Variants in SIPA1 observed in about 807,000 individuals in gnomAD.
SIPA1 encodes signal-induced proliferation-associated protein 1.
SIPA1 carries 51 observed loss-of-function variants against 88.1 expected under a neutral mutation model. The ratio of observed to expected loss-of-function variants is 0.58; its 90% CI spans 0.46 to 0.73. SIPA1 has a LOEUF of 0.73. Ranked by LOEUF, SIPA1 falls within the 30% of genes least tolerant of loss-of-function variation. SIPA1 has a pLI of 0.00. For synonymous variants in SIPA1, 681 were observed against 664.8 expected (o/e 1.02, Z -0.37); for missense variants, 1,348 against 1,467.6 (o/e 0.92, Z 1.33).
rs755145131 is a variant in SIPA1, at chr11:65,641,103, G to A, written c.182G>A (p.Arg61Lys). The A allele has an allele frequency of 6.2e-6, 10 of 1,600,730 alleles. No individual in the cohort carries two copies. In the South Asian group the frequency reaches 1.1e-4, roughly 18 times the overall value. The change falls in exon 2 of 16, where the codon AGG becomes AAG. Residue 61 changes from arginine (R) to lysine (K), a missense_variant. Physicochemically the swap from Arg to Lys is conservative, Grantham distance 26 (BLOSUM62 2). This residue lies in a region of SIPA1 where 641 missense variants were observed against 797.7 expected (regional missense o/e 0.80). Coordinates refer to ENST00000534313, the MANE Select transcript of SIPA1 (RefSeq NM_006747.4). ...LRSGSDAGEA[R>K]PPTPASPRAR... ...AGCGGCAGCGATGCAGGCGAGGCCA[G>A]GCCCCCCACGCCAGCCAGCCCCCGT...
Position 65,641,974 on chromosome 11 carries a change from A to C in SIPA1, c.680-276A>C, listed in dbSNP as rs114995288. On this transcript the variant is annotated intron_variant, in intron 2 of 15. Coordinates refer to ENST00000534313, the MANE Select transcript of SIPA1 (RefSeq NM_006747.4). ...CACTGCGGAGAGAGGGCTCCAGGAC[A>C]TAGAAGGGAGAATGAGGGCGTGGTG... The C allele has an allele frequency of 1.9e-3, 1,024 of 547,496 alleles. 9 individuals are homozygous for C. The highest frequency in any genetic ancestry group is 0.018 in the African/African-American group (932 of 51,770). The allele number at this position is 547,496 out of a possible 1,614,324, so 33.9% of individuals were successfully genotyped here. A position where few individuals can be genotyped will look rare whatever the true frequency, so the allele number is the denominator to read the frequency against.
At chr11:65,640,214 G>A (rs937115275) in intron 1 of SIPA1, 7 of 152,322 alleles carry the variant, frequency 4.6e-5, no homozygotes, top group African/African-American at 1.2e-4. Context: ...CACAGTTGGG[G>A]CTACTTCCTG....
chr11:65,650,390 C>T lies in SIPA1; in HGVS notation c.2904-11C>T. On this transcript the variant is annotated splice_polypyrimidine_tract_variant and intron_variant, in intron 14 of 15. Coordinates refer to ENST00000534313, the MANE Select transcript of SIPA1 (RefSeq NM_006747.4). ...CTTGGTCCTGCTGAGTCTTGACCCCCATGTCTTCAGGCCAGAGCCTGGGAA... is the reference window on the plus strand; with the variant it reads ...CTTGGTCCTGCTGAGTCTTGACCCCTATGTCTTCAGGCCAGAGCCTGGGAA... 1.2e-6 allele frequency: 2 copies of T among 1,613,764 alleles called. No individual in the cohort carries two copies. Among genetic ancestry groups the T allele is most frequent in the Non-Finnish European group, 1.7e-6 (2 of 1,179,730 alleles).
chr11:65,649,866 G>GT lies in SIPA1; in HGVS notation c.2746+2dup, dbSNP rs1856224297. ...TCTCTGCGGAACTCCATCAGCAGGA[G>GT]TGAGTCTGGACCCAGGAGAGCAGGG... On this transcript the variant is annotated splice_donor_variant, in intron 12 of 15. Transcript: ENST00000534313. LOFTEE classifies it high-confidence loss of function. The GT allele has an allele frequency of 1.9e-6, 3 of 1,614,040 alleles. No individual in the cohort carries two copies. The highest frequency in any genetic ancestry group is 1.7e-6 in the Non-Finnish European group (2 of 1,179,978).
chr11:65,648,331 G>C (rs575624946), intron 9 of SIPA1, among the ~76,000 whole-genome samples: 93 of 152,112 alleles, frequency 6.1e-4, no homozygotes, highest in African/African-American at 2.1e-3. Flanking sequence ...GCTAAGCCAG[G>C]GGTAGGCAAA....
Position 65,638,125 on chromosome 11 carries a change from G to T in SIPA1, c.-149G>T, listed in dbSNP as rs56343805. On this transcript the variant is annotated 5_prime_UTR_variant, in exon 1 of 16. Coordinates refer to ENST00000534313, the MANE Select transcript of SIPA1 (RefSeq NM_006747.4). ...CGGAGCCGGCGCCGGGAGCGGTAGC[G>T]GGAGAGCGGCAGCGGGACCCCAGCG... is the stretch of plus-strand genomic sequence containing the variant. 12,427 of 152,270 alleles carry T rather than the reference G, an allele frequency of 0.082. 656 individuals are homozygous for T. Among genetic ancestry groups the T allele is most frequent in the South Asian group, 0.27 (1,330 of 4,870 alleles). 9.4% of individuals were successfully genotyped at this position (152,270 alleles called of 1,614,324 possible). A position where few individuals can be genotyped will look rare whatever the true frequency, so the allele number is the denominator to read the frequency against.
At position 65,645,977 on chromosome 11, in the gene SIPA1, G is replaced by C. The variant is rs75468183; in HGVS notation, c.1263+20G>C. 226 of 1,571,732 alleles carry C rather than the reference G, an allele frequency of 1.4e-4. 2 individuals are homozygous for C. In the East Asian group the frequency reaches 4.4e-3, roughly 31 times the overall value. On this transcript the variant is annotated intron_variant, in intron 6 of 15. Coordinates refer to ENST00000534313, the MANE Select transcript of SIPA1 (RefSeq NM_006747.4). ...CAGCAGGTGTGAGGGGGACCAACGT[G>C]GGGGTGGGGCTTCCGGGAACCATGG...
At chr11:65,638,366 C>G (rs1353329790) in intron 1 of SIPA1, 184 bp downstream of exon 1, 1 of 150,732 alleles carries the variant, frequency 6.6e-6, no homozygotes, top group African/African-American at 2.5e-5. Context: ...CCCCCTGTCT[C>G]TGACCAGCCG....
rs764971414 is a variant in SIPA1, at chr11:65,646,389, G to T, written c.1421+11G>T. 3.1e-6 allele frequency: 5 copies of T among 1,607,728 alleles called. No homozygotes were observed. The South Asian group carries it at 5.5e-5, about 18-fold the overall frequency. Reference sequence around the variant, plus strand: ...ACACACCACCTACAGGTGGGCACCGGAGTGGTCCCAGGTCTCCCGTGGGCA... The same window carrying T: ...ACACACCACCTACAGGTGGGCACCGTAGTGGTCCCAGGTCTCCCGTGGGCA... On this transcript the variant is annotated intron_variant, in intron 7 of 15. Transcript: ENST00000534313. The surrounding 1 kb of genome is among the most constrained non-coding windows in gnomAD (Gnocchi z 7.5).
rs912534657 is a variant in SIPA1 at position 65,642,454 on chromosome 11, C to T, written c.808-9C>T. On this transcript the variant is annotated splice_polypyrimidine_tract_variant and intron_variant, in intron 3 of 15. Transcript: ENST00000534313. The surrounding 1 kb of genome is among the most constrained non-coding windows in gnomAD (Gnocchi z 6.5). Reference sequence around the variant, plus strand: ...ATGCATCCTGAGTGCCCTTACACCCCTTCCTCAGCTCCGGACACTCCGTGG... The same window carrying T: ...ATGCATCCTGAGTGCCCTTACACCCTTTCCTCAGCTCCGGACACTCCGTGG... 1.9e-6 allele frequency: 3 copies of T among 1,610,554 alleles called. No homozygotes were observed. In the African/African-American group the frequency reaches 4.0e-5, roughly 22 times the overall value.
At position 65,650,571 on chromosome 11, in the gene SIPA1, GA is replaced by G; in HGVS notation, c.2987del (p.Lys996ArgfsTer14). The G allele has an allele frequency of 6.2e-7, 1 of 1,605,912 alleles. No homozygotes were observed. Among genetic ancestry groups the G allele is most frequent in the Admixed American group, 1.7e-5 (1 of 58,296 alleles). On this transcript the variant is annotated frameshift_variant, in exon 16 of 16. Transcript: ENST00000534313. LOFTEE classifies it high-confidence loss of function. Reference protein sequence around the residue: ...RKLQEDLQKEKADRAALEEEV... With the variant: ...RKLQEDLQKEXADRAALEEEV... ...CTCCTGTCTCCCCGGCACCCCAGGAGAAGGCGGACAGGGCGGCCCTGGAGGA... is the reference window on the plus strand; with the variant it reads ...CTCCTGTCTCCCCGGCACCCCAGGAGAGGCGGACAGGGCGGCCCTGGAGGA...
chr11:65,638,705 C>A (rs1021079410), intron 1 of SIPA1, among the ~76,000 whole-genome samples: 1 of 152,212 alleles, frequency 6.6e-6, no homozygotes, highest in African/African-American at 2.4e-5. Context: ...TTTCCCCCCA[C>A]CCCTAGTGAC....
chr11:65,649,959 A>T lies in SIPA1; in HGVS notation c.2756A>T (p.Glu919Val), dbSNP rs747888387. 6.2e-7 allele frequency: 1 copy of T among 1,613,746 alleles called. No homozygotes were observed. The highest frequency in any genetic ancestry group is 8.5e-7 in the Non-Finnish European group (1 of 1,179,924). Residue 919 changes from glutamate to valine, a missense_variant, in exon 13 of 16, where the codon GAG (glutamate) becomes GTG (valine). Transcript: ENST00000534313. ...CTCCTTGTGCCCACAGTCATGTCGG[A>T]GGCGGGCAGTGGGACCCTGGAGGAC... is the stretch of plus-strand genomic sequence containing the variant. ...LRNSISRIMS[E>V]AGSGTLEDEW...
rs188906528 is a variant in SIPA1 at position 65,648,768 on chromosome 11, G to C, written c.2307-494G>C. On this transcript the variant is annotated intron_variant, in intron 9 of 15. Transcript: ENST00000534313. ...AAATCACTTGAACCCAGGAGGTGGAGGAGGTTGCCATGAGCTGTGATCGCG... is the reference window on the plus strand; with the variant it reads ...AAATCACTTGAACCCAGGAGGTGGACGAGGTTGCCATGAGCTGTGATCGCG... Among the ~76,000 whole-genome samples, 267 of 152,134 alleles carry C rather than the reference G, an allele frequency of 1.8e-3. 1 individual carries two copies. The highest frequency in any genetic ancestry group is 8.9e-3 in the South Asian group (43 of 4,822).
At chr11:65,643,479 T>G (rs1475418321) in intron 4 of SIPA1, among the ~76,000 whole-genome samples, 1 of 152,220 alleles carries the variant, frequency 6.6e-6, no homozygotes, top group Non-Finnish European at 1.5e-5. Context: ...ACCTTTTTGG[T>G]GCCAGGCCTC....
intron 4 of SIPA1, among the ~76,000 whole-genome samples, chr11:65,643,984 A>C (rs1274690079): frequency 6.6e-6 from 1 of 152,134 alleles, no homozygotes; most frequent in Non-Finnish European, 1.5e-5. Flanking sequence ...GGCTAGACAC[A>C]GTGGCAGCGA....
At chr11:65,648,098 C>T (rs550865296) in intron 9 of SIPA1, among the ~76,000 whole-genome samples, 1 of 152,232 alleles carries the variant, frequency 6.6e-6, no homozygotes, top group Admixed American at 6.5e-5. Context: ...GTCTCGAACT[C>T]CTGACCTCAG....
chr11:65,642,444 C>T lies in SIPA1; in HGVS notation c.808-19C>T. ...GACACCTTGTATGCATCCTGAGTGC[C>T]CTTACACCCCTTCCTCAGCTCCGGA... On this transcript the variant is annotated intron_variant, in intron 3 of 15. Transcript: ENST00000534313. The surrounding 1 kb of genome is among the most constrained non-coding windows in gnomAD (Gnocchi z 6.5). The T allele has an allele frequency of 6.2e-7, 1 of 1,609,682 alleles. No individual in the cohort carries two copies. Among genetic ancestry groups the T allele is most frequent in the Non-Finnish European group, 8.5e-7 (1 of 1,178,100 alleles).
At position 65,647,617 on chromosome 11, in the gene SIPA1, C is replaced by T. The variant is rs1856157783; in HGVS notation, c.2265C>T (p.Cys755=). Residue 755 remains cysteine (C), a synonymous_variant, in exon 9 of 16, where the codon TGC becomes TGT. Transcript: ENST00000534313. ...TCCTGCGCTCGGCGCCCAAGGTCTG[C>T]GTCACCGTCCTGCCCCCCGACGAGA... ...AQLLRSAPKV[C]VTVLPPDESG... 1 of 1,408,422 alleles carries T rather than the reference C, an allele frequency of 7.1e-7. No homozygotes were observed. Among genetic ancestry groups the T allele is most frequent in the South Asian group, 1.4e-5 (1 of 70,732 alleles). 87.2% of individuals were successfully genotyped at this position (1,408,422 alleles called of 1,614,324 possible).
Sources: gnomAD v4.1 joint callset for allele counts (sites outside exome capture counted in the v4.1 genomes callset) on GRCh38, gnomAD v4.1.1 for gene constraint, gnomAD v4.1.1 regional missense constraint, Gnocchi (gnomAD v3.1) non-coding constraint, MANE v1.5 for transcripts, NCBI Gene and HGNC (gene_info 2026-07-23, HGNC 2026-07-21) for gene names.